Variants in DDOST observed in about 807,000 individuals in gnomAD.
The protein encoded by DDOST is dolichyl-diphosphooligosaccharide--protein glycosyltransferase 48 kDa subunit.
Under a neutral mutation model 47.6 loss-of-function variants are expected in DDOST, and 25 were observed. The ratio of observed to expected loss-of-function variants is 0.53; its 90% confidence interval spans 0.38 to 0.73. The LOEUF (loss-of-function observed/expected upper bound fraction) is 0.73. DDOST is among the 30% of genes least tolerant of loss of function. The pLI is 0.00. For synonymous variants in DDOST, 275 were observed against 236.0 expected, an observed-to-expected ratio of 1.17 and a Z score of -1.51; for missense variants, 526 against 573.9, an observed-to-expected ratio of 0.92 and a Z score of 0.85.
At position 20,654,293 on chromosome 1, in the gene DDOST, C is replaced by T. The variant is rs1419462692; in HGVS notation, c.724G>A (p.Gly242Ser). The part of the protein sequence containing the change: ...ARNNARVIFS[G>S]SLDFFSDSFF... Reference sequence around the variant, plus strand: ...GAGTCGCTGAAGAAGTCGAGGGAGCCGCTGAAGATGACGCGGGCATTGTTC... The same window carrying T: ...GAGTCGCTGAAGAAGTCGAGGGAGCTGCTGAAGATGACGCGGGCATTGTTC... Residue 242 changes from glycine to serine, a missense_variant, in exon 7 of 11, where the codon GGC (glycine) becomes AGC (serine). Gly to Ser is a moderately conservative substitution (Grantham distance 56). Transcript: ENST00000602624. 8 of 1,552,784 alleles carry T rather than the reference C, an allele frequency of 5.2e-6. No homozygotes were observed. The highest frequency in any genetic ancestry group is 2.4e-5 in the East Asian group (1 of 41,082).
chr1:20,654,499 C>A, intron 6 of DDOST, 115 bp downstream of exon 6: 1 of 1,382,898 alleles, frequency 7.2e-7, no homozygotes, highest in Non-Finnish European at 1.0e-6. Context: ...GAGCCTGAGA[C>A]CACACCGCTT....
Position 20,654,719 on chromosome 1 carries a change from C to A in DDOST, c.552-12G>T. 6.5e-7 allele frequency: 1 copy of A among 1,545,920 alleles called. No individual in the cohort carries two copies. Among genetic ancestry groups the A allele is most frequent in the Non-Finnish European group, 8.8e-7 (1 of 1,141,942 alleles). ...GATCGGCCACCATCCTGCAGCAGGA[C>A]GAGAGCAGCCCAGCACTGGCCCCAG... On this transcript the variant is annotated splice_polypyrimidine_tract_variant and intron_variant, in intron 5 of 10. Coordinates refer to ENST00000602624, the MANE Select transcript of DDOST (RefSeq NM_005216.5).
intron 2 of DDOST, among the ~76,000 whole-genome samples, chr1:20,657,114 G>A (rs1343289835): frequency 6.6e-6 from 1 of 152,204 alleles, no homozygotes; most frequent in Non-Finnish European, 1.5e-5. Flanking sequence ...AGTCTGTGGG[G>A]TCAGAGGATT....
At chr1:20,653,874 G>A (rs1228111388) in intron 7 of DDOST, 100 bp from the exon 8 acceptor site, 18 of 1,428,838 alleles carry the variant, frequency 1.3e-5, no homozygotes, top group South Asian at 2.8e-5. Flanking sequence ...GTACCCTAGC[G>A]AAGTTCTGCC....
rs758677393 is a variant in DDOST, at chr1:20,654,272, C to A, written c.745G>T (p.Asp249Tyr). ...IFSGSLDFFS[D>Y]SFFNSAVQKA... ...TGCACTGCTGAGTTGAAGAAGGAGT[C>A]GCTGAAGAAGTCGAGGGAGCCGCTG... is the stretch of plus-strand genomic sequence containing the variant. The change falls in exon 7 of 11, where the codon GAC (aspartate) becomes TAC (tyrosine). Residue 249 changes from aspartate to tyrosine, a missense_variant. Asp to Tyr is a radical substitution (Grantham distance 160). Coordinates refer to ENST00000602624, the MANE Select transcript of DDOST (RefSeq NM_005216.5). 9 of 1,551,766 alleles carry A rather than the reference C, an allele frequency of 5.8e-6. No individual in the cohort carries two copies. The highest frequency in any genetic ancestry group is 7.8e-6 in the Non-Finnish European group (9 of 1,147,108).
At chr1:20,654,484 AGG>A in intron 6 of DDOST, 113 bp from the exon 7 acceptor site, 1 of 1,418,794 alleles carries the variant, frequency 7.0e-7, no homozygotes, top group Non-Finnish European at 9.7e-7. Context: ...CCCTACCTGA[AGG>A]GGGAGCCTGA....
chr1:20,652,199 A>C lies in DDOST; in HGVS notation c.*180T>G. 5.2e-6 allele frequency: 3 copies of C among 573,878 alleles called. No individual in the cohort carries two copies. Among genetic ancestry groups the C allele is most frequent in the Non-Finnish European group, 8.5e-6 (3 of 354,340 alleles). The allele number at this position is 573,878 out of a possible 1,614,324, so 35.5% of individuals were successfully genotyped here. ...CACTTTTAGCAATTCAAAGTGGAAAAACTTCTTTTATATAAAAATTATCCC... is the reference window on the plus strand; with the variant it reads ...CACTTTTAGCAATTCAAAGTGGAAACACTTCTTTTATATAAAAATTATCCC... On this transcript the variant is annotated 3_prime_UTR_variant, in exon 11 of 11. Coordinates refer to ENST00000602624, the MANE Select transcript of DDOST (RefSeq NM_005216.5).
chr1:20,655,487 G>A lies in DDOST; in HGVS notation c.504C>T (p.Thr168=), dbSNP rs1187602081. The A allele has an allele frequency of 1.2e-6, 2 of 1,614,064 alleles. No homozygotes were observed. Among genetic ancestry groups the A allele is most frequent in the South Asian group, 2.2e-5 (2 of 91,064 alleles). The change falls in exon 5 of 11, where the codon ACC becomes ACT. Residue 168 remains threonine (T), a synonymous_variant. Transcript: ENST00000602624. ...ADTENLLKAP[T]IVGKSSLNPI... is the part of the protein sequence containing the mutation. ...GATTTAGAGATGATTTCCCAACGAT[G>A]GTTGGGGCCTTCAGCAGGTTCTCAG...
intron 2 of DDOST, among the ~76,000 whole-genome samples, chr1:20,658,365 C>T (rs914279313): frequency 5.3e-5 from 8 of 152,206 alleles, no homozygotes; most frequent in Non-Finnish European, 7.3e-5. Flanking sequence ...AGTCATGGGA[C>T]GAGGGCAGGG....
Position 20,654,145 on chromosome 1 carries a change from T to C in DDOST, c.794+78A>G, listed in dbSNP as rs548661866. 427 of 1,490,000 alleles carry C rather than the reference T, an allele frequency of 2.9e-4. 2 individuals carry two copies. Among genetic ancestry groups the C allele is most frequent in the Middle Eastern group, 1.9e-3 (8 of 4,184 alleles). 92.3% of individuals were successfully genotyped at this position (1,490,000 alleles called of 1,614,324 possible). ...TGACACTTTTAGCTAAAAGCCTCCT[T>C]CTTCCCCTTCTGAGTCCTCCCCATA... On this transcript the variant is annotated intron_variant, in intron 7 of 10. Transcript: ENST00000602624.
In DDOST at chr1:20,661,298, G is replaced by A; in HGVS notation, c.53C>T (p.Pro18Leu). Residue 18 changes from proline to leucine, a missense_variant, in exon 1 of 11, where the codon CCC (proline) becomes CTC (leucine). Coordinates refer to ENST00000602624, the MANE Select transcript of DDOST (RefSeq NM_005216.5). ...RAWALFWLLL[P>L]LLGAVCASGP... is the part of the protein sequence containing the mutation. ...GCTGGCGCAAACCGCGCCAAGCAAG[G>A]GCAGCAGCAACCAAAAGAGGGCCCA... 1 of 1,613,906 alleles carries A rather than the reference G, an allele frequency of 6.2e-7. No homozygotes were observed. Among genetic ancestry groups the A allele is most frequent in the Middle Eastern group, 1.7e-4 (1 of 6,060 alleles).
chr1:20,654,490 AG>A, intron 6 of DDOST, 119 bp from the exon 7 acceptor site: 1 of 1,393,252 alleles, frequency 7.2e-7, no homozygotes, highest in Non-Finnish European at 9.9e-7. Context: ...CTGAAGGGGG[AG>A]CCTGAGACCA....
At position 20,652,415 on chromosome 1, in the gene DDOST, G is replaced by A. The variant is rs2053303093; in HGVS notation, c.1284C>T (p.Val428=). 6.2e-7 allele frequency: 1 copy of A among 1,613,856 alleles called. No homozygotes were observed. ...MMLGLFIFSI[V]FLHMKEKEKS... ...TCTCCTTCTCCTTCATGTGCAAGAA[G>A]ACGATGCTGAAGATGAAGAGCCCCA... The change falls in exon 11 of 11, where the codon GTC becomes GTT. Residue 428 remains valine (V), a synonymous_variant. Transcript: ENST00000602624.
At position 20,652,795 on chromosome 1, in the gene DDOST, G is replaced by C. The variant is rs2053310448; in HGVS notation, c.1063+56C>G. The C allele has an allele frequency of 3.1e-6, 5 of 1,589,060 alleles. No homozygotes were observed. The South Asian group carries it at 5.5e-5, about 18-fold the overall frequency. On this transcript the variant is annotated intron_variant, in intron 9 of 10. Transcript: ENST00000602624. ...AGCTTTTCCTGGTTGGGCCTCGAGA[G>C]CAAGTGAGGCCTGGGGCCGTTTCTG... is the stretch of plus-strand genomic sequence containing the variant.
At position 20,654,505 on chromosome 1, in the gene DDOST, C is replaced by T. The variant is rs192818646; in HGVS notation, c.645+109G>A. 68 of 1,370,042 alleles carry T rather than the reference C, an allele frequency of 5.0e-5. No individual in the cohort carries two copies. In the Admixed American group the frequency reaches 5.2e-4, roughly 10 times the overall value. 84.9% of individuals were successfully genotyped at this position (1,370,042 alleles called of 1,614,324 possible). On this transcript the variant is annotated intron_variant, in intron 6 of 10. Transcript: ENST00000602624. The stretch of plus-strand genomic sequence containing the variant: ...CTGAAGGGGGAGCCTGAGACCACAC[C>T]GCTTCTGCCCATGCCCCACCCCACC...
intron 2 of DDOST, among the ~76,000 whole-genome samples, chr1:20,657,298 T>G (rs2053385115): frequency 6.6e-6 from 1 of 152,088 alleles, no homozygotes; most frequent in Non-Finnish European, 1.5e-5. Flanking sequence ...GGACCTGCCG[T>G]GGGGAGCCGC....
In DDOST at chr1:20,652,204, CT is replaced by C; in HGVS notation, c.*174del. ...TTAGCAATTCAAAGTGGAAAAACTT[CT>C]TTTATATAAAAATTATCCCAACTCC... On this transcript the variant is annotated 3_prime_UTR_variant, in exon 11 of 11. Transcript: ENST00000602624. The C allele has an allele frequency of 1.7e-6, 1 of 596,142 alleles. No homozygotes were observed. The highest frequency in any genetic ancestry group is 2.7e-6 in the Non-Finnish European group (1 of 373,010). The allele number at this position is 596,142 out of a possible 1,614,324, so 36.9% of individuals were successfully genotyped here. A position where few individuals can be genotyped will look rare whatever the true frequency, so the allele number is the denominator to read the frequency against.
intron 6 of DDOST, 51 bp downstream of exon 6, chr1:20,654,563 G>A: frequency 6.7e-7 from 1 of 1,482,538 alleles, no homozygotes; most frequent in Non-Finnish European, 9.2e-7. Context: ...AGCCAAATGT[G>A]CTGTTCTGCT....
At position 20,651,822 on chromosome 1, in the gene DDOST, T is replaced by TTTATTTATTTATTTA; in HGVS notation, c.*542_*556dup. ...TTATTTTTATTTATTTATTTATTTA[T>TTTATTTATTTATTTA]TTATTTATTTATTTATATTTGAGAC... On this transcript the variant is annotated 3_prime_UTR_variant, in exon 11 of 11. Transcript: ENST00000602624. 1 of 151,480 alleles carries TTTATTTATTTATTTA rather than the reference T, an allele frequency of 6.6e-6. No individual in the cohort carries two copies. Among genetic ancestry groups the TTTATTTATTTATTTA allele is most frequent in the East Asian group, 1.9e-4 (1 of 5,146 alleles). The allele number at this position is 151,480 out of a possible 1,614,324, so 9.4% of individuals were successfully genotyped here.
Sources: gnomAD v4.1 joint callset for allele counts (sites outside exome capture counted in the v4.1 genomes callset) on GRCh38, gnomAD v4.1.1 for gene constraint, MANE v1.5 for transcripts, NCBI Gene and HGNC (gene_info 2026-07-23, HGNC 2026-07-21) for gene names.